The following ZNF664 variants were observed in gnomAD, a reference collection of about 807,000 sequenced individuals.
The protein encoded by ZNF664 is zinc finger Organ of Corti 1.
ZNF664 carries 10 observed loss-of-function variants against 18.2 expected under a neutral mutation model. The ratio of observed to expected loss-of-function variants is 0.55; its 90% CI spans 0.34 to 0.93. The LOEUF is 0.93. Ranked by LOEUF, ZNF664 falls within the 40% of genes least tolerant of loss-of-function variation. The pLI, the probability that ZNF664 is intolerant of heterozygous loss-of-function variation, is 0.02. For synonymous variants in ZNF664, 119 were observed against 104.2 expected, an observed-to-expected ratio of 1.14 and a Z score of -0.86; for missense variants, 193 against 319.0, an observed-to-expected ratio of 0.61 and a Z score of 3.01.
chr12:123,974,927 T>C (rs1357391702), intron 2 of ZNF664, among the ~76,000 whole-genome samples: 2 of 152,188 alleles, frequency 1.3e-5, no homozygotes, highest in Admixed American at 6.5e-5. Flanking sequence ...ATTTCGGTGA[T>C]AGGAGCACAG....
At chr12:123,976,156 C>A (rs12311114) in intron 2 of ZNF664, among the ~76,000 whole-genome samples, 46,406 of 151,984 alleles carry the variant, frequency 0.31, 7,226 homozygotes, top group Middle Eastern at 0.34. Flanking sequence ...AATTTAAACA[C>A]AATCACAACT....
intron 3 of ZNF664, among the ~76,000 whole-genome samples, chr12:124,004,366 C>T (rs1957046527): frequency 6.6e-6 from 1 of 152,138 alleles, no homozygotes. Flanking sequence ...AGAAAAGGTT[C>T]CATAGGATTA....
chr12:124,003,299 C>T (rs576429886), intron 3 of ZNF664: 2 of 152,186 alleles, frequency 1.3e-5, no homozygotes, highest in Admixed American at 1.3e-4. Context: ...GCTGGTCTTT[C>T]CTAGGAACAG....
chr12:123,988,775 T>C (rs372859168), intron 3 of ZNF664, among the ~76,000 whole-genome samples: 9 of 149,416 alleles, frequency 6.0e-5, no homozygotes, highest in Admixed American at 4.7e-4. Flanking sequence ...GATTTTTTTT[T>C]CCCTTCTTTG....
At chr12:124,007,175 C>T (rs1486324668) in intron 3 of ZNF664, among the ~76,000 whole-genome samples, 1 of 152,170 alleles carries the variant, frequency 6.6e-6, no homozygotes, top group Non-Finnish European at 1.5e-5. Context: ...CCTCTCATCC[C>T]CCCACCGTGC....
chr12:124,005,524 T>TGTGAGA (rs137963321), intron 3 of ZNF664, among the ~76,000 whole-genome samples: 87 of 147,246 alleles, frequency 5.9e-4, no homozygotes, highest in Non-Finnish European at 9.9e-4. Context: ...TGTGTGTGTG[T>TGTGAGA]GAGAGATAGG....
chr12:123,992,750 G>T (rs996278401), intron 3 of ZNF664, among the ~76,000 whole-genome samples: 1 of 152,188 alleles, frequency 6.6e-6, no homozygotes, highest in Admixed American at 6.5e-5. Context: ...ATGTACTCCA[G>T]TGACTACAGC....
intron 3 of ZNF664, among the ~76,000 whole-genome samples, chr12:123,992,323 A>G (rs1956898195): frequency 6.6e-6 from 1 of 152,164 alleles, no homozygotes; most frequent in Non-Finnish European, 1.5e-5. Context: ...AGGCTTTTCT[A>G]GCCAGCTGGT....
At chr12:124,004,614 C>T (rs756091703) in intron 3 of ZNF664, among the ~76,000 whole-genome samples, 1 of 152,174 alleles carries the variant, frequency 6.6e-6, no homozygotes, top group Non-Finnish European at 1.5e-5. Flanking sequence ...AGATGGGTAC[C>T]AGTCCATGGC....
chr12:124,009,830 A>G (rs919738009), intron 3 of ZNF664, among the ~76,000 whole-genome samples: 1 of 151,116 alleles, frequency 6.6e-6, no homozygotes, highest in African/African-American at 2.4e-5. Context: ...TTTATTTTAT[A>G]TATTACCTTC....
intron 1 of ZNF664, chr12:123,973,599 G>T (rs919872398): frequency 5.1e-6 from 2 of 390,050 alleles, no homozygotes; most frequent in Non-Finnish European, 7.1e-6. Context: ...CCCGCAGTGC[G>T]GGGGAGCGGG....
intron 3 of ZNF664, among the ~76,000 whole-genome samples, chr12:124,001,314 G>A (rs1297245964): frequency 6.6e-6 from 1 of 152,094 alleles, no homozygotes; most frequent in South Asian, 2.1e-4. Context: ...CTGTACTTTA[G>A]CTACAGTTTT....
rs1285159310 is a variant in ZNF664 at position 123,973,309 on chromosome 12, T to C, written c.-935T>C. The C allele has an allele frequency of 1.2e-5, 10 of 804,732 alleles. No homozygotes were observed. In the East Asian group the frequency reaches 3.6e-4, roughly 29 times the overall value. The allele number at this position is 804,732 out of a possible 1,614,324, so 49.8% of individuals were successfully genotyped here. A position where few individuals can be genotyped will look rare whatever the true frequency, so the allele number is the denominator to read the frequency against. ...GTGTCCCTGAGGAGAGGGAGGTGGG[T>C]GCGCGGCGCCCGCGGCCTGGGGCGC... On this transcript the variant is annotated 5_prime_UTR_variant, in exon 1 of 5. Coordinates refer to ENST00000337815, the MANE Select transcript of ZNF664 (RefSeq NM_152437.3).
At chr12:123,974,921 C>T (rs1410078215) in intron 2 of ZNF664, among the ~76,000 whole-genome samples, 2 of 152,086 alleles carry the variant, frequency 1.3e-5, no homozygotes, top group East Asian at 1.9e-4. Context: ...GATGAAATTT[C>T]GGTGATAGGA....
intron 3 of ZNF664, among the ~76,000 whole-genome samples, chr12:123,996,097 C>T (rs144383598): frequency 4.6e-5 from 7 of 152,334 alleles, no homozygotes; most frequent in African/African-American, 1.7e-4. Context: ...TAACAGTGTG[C>T]ATTCCCTGTA....
chr12:124,011,212 A>T, intron 3 of ZNF664, 169 bp from the exon 4 acceptor site: 1 of 816,818 alleles, frequency 1.2e-6, no homozygotes, highest in Non-Finnish European at 1.5e-6. Flanking sequence ...GTTCCTTTTT[A>T]CAGGACAGCT....
intron 3 of ZNF664, among the ~76,000 whole-genome samples, chr12:124,007,986 G>A (rs1566208354): frequency 2.6e-5 from 4 of 152,204 alleles, no homozygotes; most frequent in Admixed American, 1.3e-4. Flanking sequence ...ACAGCACACA[G>A]TGTAATCTCA....
At chr12:123,982,631 T>C (rs1956779032) in intron 2 of ZNF664, among the ~76,000 whole-genome samples, 1 of 152,210 alleles carries the variant, frequency 6.6e-6, no homozygotes. Flanking sequence ...GGTTCCACGC[T>C]CACCGTATCG....
chr12:124,013,058 A>T lies in ZNF664; in HGVS notation c.*128A>T. On this transcript the variant is annotated 3_prime_UTR_variant, in exon 5 of 5. Coordinates refer to ENST00000337815, the MANE Select transcript of ZNF664 (RefSeq NM_152437.3). The stretch of plus-strand genomic sequence containing the variant: ...AGCAGAACATTGTTTCTGAGGAGGC[A>T]TATGTGAGATTGATTTGTTGGTTCA... The T allele has an allele frequency of 8.1e-7, 1 of 1,236,948 alleles. No homozygotes were observed. The highest frequency in any genetic ancestry group is 1.1e-6 in the Non-Finnish European group (1 of 905,466). The allele number at this position is 1,236,948 out of a possible 1,614,324, so 76.6% of individuals were successfully genotyped here. A position where few individuals can be genotyped will look rare whatever the true frequency, so the allele number is the denominator to read the frequency against.
Sources: gnomAD v4.1 joint callset for allele counts (sites outside exome capture counted in the v4.1 genomes callset) on GRCh38, gnomAD v4.1.1 for gene constraint, MANE v1.5 for transcripts, NCBI Gene and HGNC (gene_info 2026-07-23, HGNC 2026-07-21) for gene names.